TTC39B: variants seen among roughly 807,000 people sequenced by gnomAD.
TTC39B encodes the protein tetratricopeptide repeat protein 39B.
In TTC39B, 92 loss-of-function variants were observed where a neutral mutation model predicts 96.6. The observed-to-expected ratio is 0.95, with a 90% CI of 0.80 to 1.13. The LOEUF is 1.13. Among genes scored for constraint, TTC39B ranks in the 50% most tolerant of loss-of-function variants. TTC39B has a pLI of 0.00. For synonymous variants in TTC39B, 367 were observed against 299.4 expected (o/e 1.23, Z -2.33); for missense variants, 955 against 809.3 (o/e 1.18, Z -2.18).
chr9:15,170,653 C>G (rs1467060463), exon 20 of TTC39B: 1 of 152,028 alleles, frequency 6.6e-6, no homozygotes. Flanking sequence ...CTCGTGACTC[C>G]CAATATGTGG....
chr9:15,167,028 A>ATATTTTTT (rs1554758710), exon 20 of TTC39B: 1 of 11,020 alleles, frequency 9.1e-5, no homozygotes, highest in African/African-American at 2.9e-4. Flanking sequence ...ATATATATAT[A>ATATTTTTT]TTTTTTTTTT....
rs28460803 is a variant in TTC39B, at chr9:15,234,385, T to C, written c.276-8373A>G. ...GGGGTCAGCCCCCCGCCCGGCCAGC[T>C]GCCCCATCCAGGAGGGAGGTGGGGG... On this transcript the variant is annotated intron_variant, in intron 2 of 19. Transcript: ENST00000512701. Among the ~76,000 whole-genome samples the C allele has an allele frequency of 1.8e-3, 181 of 103,426 alleles. 1 individual carries two copies. The East Asian group carries it at 0.019, about 11-fold the overall frequency. 67.9% of individuals were successfully genotyped at this position (103,426 alleles called of 152,430 possible).
In TTC39B at chr9:15,201,514, T is replaced by C. The variant is rs116519483; in HGVS notation, c.760-1589A>G. Among the ~76,000 whole-genome samples, 607 of 152,206 alleles carry C rather than the reference T, an allele frequency of 4.0e-3. 5 individuals carry two copies. The highest frequency in any genetic ancestry group is 0.014 in the African/African-American group (576 of 41,534). ...TTGGTGCTTTAAGCACAAAAATAAT[T>C]AGAAACTGGACAGGTATAGAAAGGC... On this transcript the variant is annotated intron_variant, in intron 7 of 19. Coordinates refer to ENST00000512701, the Ensembl canonical transcript of TTC39B.
At chr9:15,225,188 G>A (rs1355064575) in intron 3 of TTC39B, among the ~76,000 whole-genome samples, 1 of 151,732 alleles carries the variant, frequency 6.6e-6, no homozygotes, top group Admixed American at 6.6e-5. Flanking sequence ...CTAATGGAAG[G>A]GGAAAATATC....
chr9:15,288,052 A>G (rs993300091), intron 1 of TTC39B, among the ~76,000 whole-genome samples: 1 of 152,134 alleles, frequency 6.6e-6, no homozygotes, highest in Non-Finnish European at 1.5e-5. Flanking sequence ...AGCTTATGGA[A>G]CCCGACACCT....
chr9:15,258,044 G>A (rs1009648007), intron 2 of TTC39B, among the ~76,000 whole-genome samples: 2 of 151,026 alleles, frequency 1.3e-5, no homozygotes, highest in Non-Finnish European at 2.9e-5. Flanking sequence ...TGGGCAATAA[G>A]AGCAAAACTC....
chr9:15,284,520 C>T (rs1234800109), intron 1 of TTC39B, among the ~76,000 whole-genome samples: 1 of 152,184 alleles, frequency 6.6e-6, no homozygotes, highest in Non-Finnish European at 1.5e-5. Context: ...TTACCCAACT[C>T]TCTTCAGACA....
chr9:15,260,079 T>C (rs532404486), intron 2 of TTC39B, among the ~76,000 whole-genome samples: 2 of 152,126 alleles, frequency 1.3e-5, no homozygotes. Flanking sequence ...AATAGGAATA[T>C]ATATGAGATA....
At chr9:15,177,596 A>C in intron 18 of TTC39B, 101 bp downstream of exon 18, 2 of 737,572 alleles carry the variant, frequency 2.7e-6, no homozygotes, top group Non-Finnish European at 4.6e-6. Context: ...ACCAAGTAAG[A>C]GTTTAGCAGT....
At chr9:15,194,086 A>G (rs1007092241) in intron 8 of TTC39B, among the ~76,000 whole-genome samples, 3 of 152,172 alleles carry the variant, frequency 2.0e-5, no homozygotes, top group African/African-American at 7.2e-5. Flanking sequence ...TAATAATTGT[A>G]CTGTGCTTCT....
intron 1 of TTC39B, among the ~76,000 whole-genome samples, chr9:15,301,328 A>G (rs1824579961): frequency 6.6e-6 from 1 of 152,236 alleles, no homozygotes; most frequent in Non-Finnish European, 1.5e-5. Context: ...GAAATAGTAC[A>G]GTGACTTGTG....
intron 3 of TTC39B, among the ~76,000 whole-genome samples, chr9:15,217,831 G>C (rs184938398): frequency 6.6e-6 from 1 of 152,082 alleles, no homozygotes; most frequent in African/African-American, 2.4e-5. Context: ...ACCTAAAGTA[G>C]CTACCCACAC....
At chr9:15,302,315 G>C (rs1824619703) in intron 1 of TTC39B, among the ~76,000 whole-genome samples, 2 of 140,404 alleles carry the variant, frequency 1.4e-5, no homozygotes, top group Admixed American at 1.5e-4. Flanking sequence ...GACCAAGCAA[G>C]ACTCTGTCTT....
intron 1 of TTC39B, among the ~76,000 whole-genome samples, chr9:15,300,707 G>A (rs1236126464): frequency 2.6e-5 from 4 of 152,004 alleles, no homozygotes; most frequent in Admixed American, 6.6e-5. Flanking sequence ...CCAACATGGC[G>A]AAACCCCGTC....
chr9:15,285,505 C>A (rs1258233712), intron 1 of TTC39B, among the ~76,000 whole-genome samples: 1 of 152,050 alleles, frequency 6.6e-6, no homozygotes, highest in Non-Finnish European at 1.5e-5. Flanking sequence ...TCACATGTAC[C>A]GTATAAATGT....
intron 16 of TTC39B, chr9:15,183,441 G>A: frequency 8.7e-6 from 3 of 343,170 alleles, no homozygotes; most frequent in Non-Finnish European, 1.7e-5. Context: ...TGAAAAACAG[G>A]CTTTTGGTAA....
At chr9:15,197,973 C>G (rs139103028) in intron 8 of TTC39B, among the ~76,000 whole-genome samples, 1 of 152,066 alleles carries the variant, frequency 6.6e-6, no homozygotes, top group Admixed American at 6.5e-5. Flanking sequence ...CTGACACCCT[C>G]TAAGAAATGC....
intron 2 of TTC39B, among the ~76,000 whole-genome samples, chr9:15,248,138 T>A (rs945026132): frequency 6.6e-6 from 1 of 152,214 alleles, no homozygotes; most frequent in African/African-American, 2.4e-5. Flanking sequence ...TTAAAAATAA[T>A]CTAGGTTGTT....
At chr9:15,178,107 G>A (rs1278175810) in intron 17 of TTC39B, among the ~76,000 whole-genome samples, 2 of 151,978 alleles carry the variant, frequency 1.3e-5, no homozygotes, top group Non-Finnish European at 2.9e-5. Flanking sequence ...CTGACCTCAT[G>A]ATCCACCCAC....
Sources: gnomAD v4.1 joint callset for allele counts (sites outside exome capture counted in the v4.1 genomes callset) on GRCh38, gnomAD v4.1.1 for gene constraint, MANE v1.5 for transcripts, NCBI Gene and HGNC (gene_info 2026-07-23, HGNC 2026-07-21) for gene names.